The following MYO18A variants were observed in gnomAD, a reference collection of about 807,000 sequenced individuals.
MYO18A encodes the protein myosin XVIIIA.
A neutral mutation model predicts 235.8 loss-of-function variants in MYO18A; 78 were observed. The observed-to-expected ratio is 0.33, with a 90% CI of 0.28 to 0.40. The LOEUF is 0.40. Among genes scored for constraint, MYO18A ranks in the 10% least tolerant of loss-of-function variants. The pLI, the probability that MYO18A is intolerant of heterozygous loss-of-function variation, is 1.00. For synonymous variants in MYO18A, 977 were observed against 1,077.8 expected (o/e 0.91, Z 1.83); for missense variants, 2,215 against 2,699.3 (o/e 0.82, Z 3.98).
intron 2 of MYO18A, among the ~76,000 whole-genome samples, chr17:29,145,457 G>A (rs1299161550): frequency 1.3e-5 from 2 of 152,200 alleles, no homozygotes; most frequent in Non-Finnish European, 2.9e-5. Flanking sequence ...AGGAGGCTCT[G>A]AGGGCTGGAG....
chr17:29,093,140 G>T (rs935434418), intron 32 of MYO18A, 139 bp from the exon 33 acceptor site: 1 of 1,267,036 alleles, frequency 7.9e-7, no homozygotes, highest in Non-Finnish European at 1.1e-6. Flanking sequence ...GCCAACCAGC[G>T]ATAAAGGGCT....
At chr17:29,133,425 C>A (rs1484115366) in intron 2 of MYO18A, among the ~76,000 whole-genome samples, 1 of 152,192 alleles carries the variant, frequency 6.6e-6, no homozygotes. Flanking sequence ...CCCACTGCAG[C>A]CCCCAGGATC....
chr17:29,177,583 G>C (rs1002354930), intron 1 of MYO18A, among the ~76,000 whole-genome samples: 11 of 152,106 alleles, frequency 7.2e-5, no homozygotes, highest in African/African-American at 2.7e-4. Flanking sequence ...AATGGTGATG[G>C]GGTGGGGTGT....
In MYO18A at chr17:29,158,807, G is replaced by C. The variant is rs1185324547; in HGVS notation, c.999+7135C>G. On this transcript the variant is annotated intron_variant, in intron 2 of 41. Transcript: ENST00000527372. This position sits in a 1 kb window ranked among gnomAD's most constrained non-coding sequence, Gnocchi z 4.3. ...TTTTAAAATACTTGTGTTCCCACCC[G>C]CCACACACTCCCCTTCACCCTACTC... 6.6e-6 allele frequency among the ~76,000 whole-genome samples: 1 copy of C among 152,100 alleles called. No individual in the cohort carries two copies. The highest frequency in any genetic ancestry group is 2.4e-5 in the African/African-American group (1 of 41,400).
Position 29,118,476 on chromosome 17 carries a change from G to A in MYO18A, c.1830-36C>T. On this transcript the variant is annotated intron_variant, in intron 8 of 41. Coordinates refer to ENST00000527372, the MANE Select transcript of MYO18A (RefSeq NM_078471.4). The surrounding 1 kb of genome is among the most constrained non-coding windows in gnomAD (Gnocchi z 4.2). ...AAATAAGGCATCAGCACGGCACTTG[G>A]TCCCCATGCCAAGGCCATTTCCGCC... The A allele has an allele frequency of 3.2e-6, 5 of 1,571,086 alleles. No homozygotes were observed. Among genetic ancestry groups the A allele is most frequent in the Non-Finnish European group, 4.4e-6 (5 of 1,147,412 alleles).
At chr17:29,176,991 G>A (rs1057312200) in intron 1 of MYO18A, among the ~76,000 whole-genome samples, 1 of 152,224 alleles carries the variant, frequency 6.6e-6, no homozygotes. Context: ...AGCTCCTGCG[G>A]CCTCGCCAGG....
chr17:29,140,359 G>C lies in MYO18A; in HGVS notation c.1000-18106C>G. Reference sequence around the variant, plus strand: ...ACTCACCCGCATGGCCTGGCCTGGAGCAGCCCAGAGCAAGGAGACTCCGCT... The same window carrying C: ...ACTCACCCGCATGGCCTGGCCTGGACCAGCCCAGAGCAAGGAGACTCCGCT... On this transcript the variant is annotated intron_variant, in intron 2 of 41. Transcript: ENST00000527372. This position sits in a 1 kb window ranked among gnomAD's most constrained non-coding sequence, Gnocchi z 4.2. The C allele has an allele frequency of 7.8e-7, 1 of 1,282,490 alleles. No homozygotes were observed. The highest frequency in any genetic ancestry group is 1.0e-6 in the Non-Finnish European group (1 of 985,546). The allele number at this position is 1,282,490 out of a possible 1,614,324, so 79.4% of individuals were successfully genotyped here. A position where few individuals can be genotyped will look rare whatever the true frequency, so the allele number is the denominator to read the frequency against.
Position 29,081,929 on chromosome 17 carries a change from A to T in MYO18A, c.6020+387T>A, listed in dbSNP as rs74687002. The stretch of plus-strand genomic sequence containing the variant: ...ACTGGTGCCTCTTCTGCTGCTATTC[A>T]CGGTAAGACGTCAGAGATCCAGAGC... On this transcript the variant is annotated intron_variant, in intron 41 of 41. Coordinates refer to ENST00000527372, the MANE Select transcript of MYO18A (RefSeq NM_078471.4). 2.1e-3 allele frequency among the ~76,000 whole-genome samples: 322 copies of T among 152,286 alleles called. 1 individual carries two copies. Among genetic ancestry groups the T allele is most frequent in the African/African-American group, 7.1e-3 (295 of 41,554 alleles).
chr17:29,122,991 G>A (rs535332700), intron 2 of MYO18A, among the ~76,000 whole-genome samples: 1 of 152,348 alleles, frequency 6.6e-6, no homozygotes, highest in African/African-American at 2.4e-5. Flanking sequence ...CCAGAGATAT[G>A]GGGGTAGGGG....
At chr17:29,107,270 C>A in intron 19 of MYO18A, 81 bp from the exon 20 acceptor site, 1 of 1,346,532 alleles carries the variant, frequency 7.4e-7, no homozygotes, top group South Asian at 1.2e-5. Context: ...CCTGGGCAGT[C>A]AGTGGAGAGT....
At chr17:29,124,752 C>T in intron 2 of MYO18A, 1 of 1,210,012 alleles carries the variant, frequency 8.3e-7, no homozygotes, top group Non-Finnish European at 1.1e-6. Flanking sequence ...CACTGGCACG[C>T]CCCCTTCAGC....
At chr17:29,150,166 T>G (rs1346805601) in intron 2 of MYO18A, among the ~76,000 whole-genome samples, 2 of 152,230 alleles carry the variant, frequency 1.3e-5, no homozygotes, top group Admixed American at 1.3e-4. Context: ...AATAAATATT[T>G]GAGAATCTGT....
intron 36 of MYO18A, 147 bp downstream of exon 36, chr17:29,090,385 C>A: frequency 1.3e-6 from 1 of 745,206 alleles, no homozygotes. Flanking sequence ...GACATGGCTC[C>A]AAGCCTAGCT....
chr17:29,106,965 G>T lies in MYO18A; in HGVS notation c.3441+115C>A. 1 of 1,014,244 alleles carries T rather than the reference G, an allele frequency of 9.9e-7. No individual in the cohort carries two copies. Among genetic ancestry groups the T allele is most frequent in the Non-Finnish European group, 1.5e-6 (1 of 664,124 alleles). 62.8% of individuals were successfully genotyped at this position (1,014,244 alleles called of 1,614,324 possible). A position where few individuals can be genotyped will look rare whatever the true frequency, so the allele number is the denominator to read the frequency against. On this transcript the variant is annotated intron_variant, in intron 20 of 41. Coordinates refer to ENST00000527372, the MANE Select transcript of MYO18A (RefSeq NM_078471.4). This position sits in a 1 kb window ranked among gnomAD's most constrained non-coding sequence, Gnocchi z 4.6. ...CAGCTGGGTGCTTCCAAAACTGGGAGCCTGAGCAGGGCCAGATGAGCTGTC... is the reference window on the plus strand; with the variant it reads ...CAGCTGGGTGCTTCCAAAACTGGGATCCTGAGCAGGGCCAGATGAGCTGTC...
chr17:29,146,496 C>G (rs1205518035), intron 2 of MYO18A, among the ~76,000 whole-genome samples: 3 of 152,208 alleles, frequency 2.0e-5, no homozygotes, highest in Admixed American at 2.0e-4. Context: ...ATTTTCCCCT[C>G]TGGGGACCCA....
chr17:29,086,672 G>T (rs2066261074), intron 38 of MYO18A, 95 bp from the exon 39 acceptor site: 4 of 1,476,546 alleles, frequency 2.7e-6, no homozygotes. Flanking sequence ...GGTCATGGGG[G>T]TGCTACCTGA....
At position 29,121,009 on chromosome 17, in the gene MYO18A, T is replaced by C. The variant is rs368130982; in HGVS notation, c.1574A>G (p.Lys525Arg). The stretch of plus-strand genomic sequence containing the variant: ...TGTCCCTGCCTCACCAGAAAACACC[T>C]TGTTCCCGCTGATGCCCGCGATGGT... ...LATIAGISGN[K>R]VFSVEKWQAL... The change falls in exon 6 of 42, where the codon AAG becomes AGG. Residue 525 changes from lysine (K) to arginine (R), a missense_variant. By Grantham distance (26) the Lys-to-Arg change is conservative (BLOSUM62 2). Coordinates refer to ENST00000527372, the MANE Select transcript of MYO18A (RefSeq NM_078471.4). The surrounding 1 kb of genome is among the most constrained non-coding windows in gnomAD (Gnocchi z 4.2). 1.4e-5 allele frequency: 23 copies of C among 1,611,000 alleles called. No homozygotes were observed. Among genetic ancestry groups the C allele is most frequent in the Non-Finnish European group, 1.9e-5 (22 of 1,178,924 alleles).
At chr17:29,092,507 G>A (rs969763188) in intron 33 of MYO18A, 51 bp from the exon 34 acceptor site, 5 of 1,441,784 alleles carry the variant, frequency 3.5e-6, no homozygotes, top group Non-Finnish European at 4.8e-6. Context: ...CATTCCTTGG[G>A]GGCAGGAGGG....
chr17:29,074,027 G>A lies in MYO18A; in HGVS notation c.*743C>T, dbSNP rs1257105904. On this transcript the variant is annotated 3_prime_UTR_variant, in exon 42 of 42. Coordinates refer to ENST00000527372, the MANE Select transcript of MYO18A (RefSeq NM_078471.4). This position sits in a 1 kb window ranked among gnomAD's most constrained non-coding sequence, Gnocchi z 4.4. ...AGAGGGTGGGGTGGGGGCTGGAGGT[G>A]CGGATGGTCCACACACACACTTGTC... 1.2e-6 allele frequency: 2 copies of A among 1,614,072 alleles called. No homozygotes were observed. The highest frequency in any genetic ancestry group is 1.7e-6 in the Non-Finnish European group (2 of 1,180,012).
Sources: allele counts gnomAD v4.1 joint callset (sites outside exome capture counted in the v4.1 genomes callset), GRCh38; gene constraint gnomAD v4.1.1; non-coding constraint Gnocchi (gnomAD v3.1); transcripts MANE v1.5; gene names NCBI Gene and HGNC (gene_info 2026-07-23, HGNC 2026-07-21).